ADGRG7: variants seen among roughly 807,000 people sequenced by gnomAD.
ADGRG7 encodes the protein adhesion G protein-coupled receptor G7.
ADGRG7 carries 82 observed loss-of-function variants against 88.6 expected under a neutral mutation model. The observed-to-expected ratio is 0.93, with a 90% CI of 0.77 to 1.11. The LOEUF is 1.11. Among genes scored for constraint, ADGRG7 ranks in the 50% most tolerant of loss-of-function variants. The probability of loss-of-function intolerance (pLI) is 0.00; values close to 1 mark genes in which losing one functional copy is unlikely to be tolerated. For synonymous variants in ADGRG7, 381 were observed against 345.2 expected, an observed-to-expected ratio of 1.10 and a Z score of -1.15; for missense variants, 945 against 953.4, an observed-to-expected ratio of 0.99 and a Z score of 0.12.
rs115871853 is a variant in ADGRG7, at chr3:100,626,317, C to T, written c.116-3281C>T. 7.0e-3 allele frequency among the ~76,000 whole-genome samples: 1,061 copies of T among 151,914 alleles called. 9 individuals carry two copies. The highest frequency in any genetic ancestry group is 0.013 in the African/African-American group (540 of 41,468). On this transcript the variant is annotated intron_variant, in intron 1 of 15. Transcript: ENST00000273352. ...GCATAGAGTTGTTCTTCTTTTTGGCCTTTCTAAGTGTTTTGCATTTCCATA... is the reference window on the plus strand; with the variant it reads ...GCATAGAGTTGTTCTTCTTTTTGGCTTTTCTAAGTGTTTTGCATTTCCATA...
chr3:100,678,701 A>G (rs1229904204), intron 15 of ADGRG7, among the ~76,000 whole-genome samples: 1 of 152,230 alleles, frequency 6.6e-6, no homozygotes, highest in African/African-American at 2.4e-5. Flanking sequence ...TTTTAGACAT[A>G]CAGAGGAACT....
intron 3 of ADGRG7, among the ~76,000 whole-genome samples, chr3:100,631,294 T>G (rs564412420): frequency 6.6e-6 from 1 of 152,318 alleles, no homozygotes; most frequent in South Asian, 2.1e-4. Flanking sequence ...CATTCTACTT[T>G]TCTTAACATG....
intron 10 of ADGRG7, among the ~76,000 whole-genome samples, chr3:100,647,039 C>T (rs979021104): frequency 2.0e-5 from 3 of 152,022 alleles, no homozygotes; most frequent in Non-Finnish European, 4.4e-5. Flanking sequence ...CGCCTGTAAT[C>T]CCAGCTACTC....
intron 15 of ADGRG7, among the ~76,000 whole-genome samples, chr3:100,673,387 G>T (rs1325416402): frequency 6.6e-6 from 1 of 151,136 alleles, no homozygotes; most frequent in East Asian, 1.9e-4. Context: ...ATGGTAGTTT[G>T]TATGTTTGTG....
chr3:100,655,923 T>A lies in ADGRG7; in HGVS notation c.1751T>A (p.Ile584Lys). The A allele has an allele frequency of 6.2e-7, 1 of 1,604,672 alleles. No homozygotes were observed. The highest frequency in any genetic ancestry group is 1.3e-5 in the African/African-American group (1 of 74,914). ...GWGVPAIVVA[I>K]TVGVIYSQNG... ...GGAGTCCCAGCTATAGTAGTGGCTA[T>A]AACAGTGGGAGTTATTTATTCTCAG... is the stretch of plus-strand genomic sequence containing the variant. Residue 584 changes from isoleucine (I) to lysine (K), a missense_variant, in exon 13 of 16, where the codon ATA (isoleucine) becomes AAA (lysine). Coordinates refer to ENST00000273352, the MANE Select transcript of ADGRG7 (RefSeq NM_032787.3).
intron 15 of ADGRG7, among the ~76,000 whole-genome samples, chr3:100,688,695 G>C (rs571791906): frequency 9.2e-5 from 14 of 152,312 alleles, no homozygotes; most frequent in African/African-American, 3.4e-4. Flanking sequence ...TTTTGAGTGA[G>C]TTTCTTAATC....
chr3:100,609,886 GGTGCTGGTGGCTGTC>G lies in ADGRG7; in HGVS notation c.34_48del (p.Leu12_Val16del). On this transcript the variant is annotated inframe_deletion, in exon 1 of 16. Coordinates refer to ENST00000273352, the MANE Select transcript of ADGRG7 (RefSeq NM_032787.3). ...CTTCCTGCCGTGCCTGGAACCTTAG[GGTGCTGGTGGCTGTC>G]GTGTGTGGACTACTGACTGGCATCA... The G allele has an allele frequency of 6.2e-7, 1 of 1,614,016 alleles. No homozygotes were observed. The highest frequency in any genetic ancestry group is 8.5e-7 in the Non-Finnish European group (1 of 1,179,918).
At chr3:100,637,889 C>T (rs1427210443) in intron 6 of ADGRG7, among the ~76,000 whole-genome samples, 1 of 152,200 alleles carries the variant, frequency 6.6e-6, no homozygotes, top group African/African-American at 2.4e-5. Context: ...GATAGGGGTG[C>T]CCCGTTTACT....
intron 3 of ADGRG7, among the ~76,000 whole-genome samples, chr3:100,632,555 A>G (rs1221834712): frequency 6.6e-6 from 1 of 152,162 alleles, no homozygotes; most frequent in African/African-American, 2.4e-5. Flanking sequence ...AATTTTCATT[A>G]TGTCATGGTG....
intron 1 of ADGRG7, among the ~76,000 whole-genome samples, chr3:100,615,429 G>C (rs977850645): frequency 6.6e-6 from 1 of 152,162 alleles, no homozygotes; most frequent in Admixed American, 6.5e-5. Context: ...TGTTAAACAG[G>C]TGATTGTGAC....
intron 6 of ADGRG7, among the ~76,000 whole-genome samples, chr3:100,641,749 A>G (rs890995660): frequency 4.6e-5 from 7 of 152,252 alleles, no homozygotes; most frequent in African/African-American, 1.4e-4. Context: ...TGGAAGCCTT[A>G]GTAGAGGAGT....
rs759968063 is a variant in ADGRG7 at position 100,646,645 on chromosome 3, A to G, written c.1187A>G (p.Tyr396Cys). The change falls in exon 10 of 16, where the codon TAT becomes TGT. Residue 396 changes from tyrosine to cysteine, a missense_variant. Transcript: ENST00000273352. ...WNLSAKDWDT[Y>C]GCQKDKGTDG... ...TTGTCAGCGAAGGACTGGGACACATATGGCTGTCAAAAAGACAAGGGCACT... is the reference window on the plus strand; with the variant it reads ...TTGTCAGCGAAGGACTGGGACACATGTGGCTGTCAAAAAGACAAGGGCACT... 1.1e-5 allele frequency: 18 copies of G among 1,614,028 alleles called. No homozygotes were observed. The highest frequency in any genetic ancestry group is 1.7e-5 in the Admixed American group (1 of 60,026).
chr3:100,668,545 A>G (rs1042796909), intron 14 of ADGRG7, among the ~76,000 whole-genome samples: 1 of 152,238 alleles, frequency 6.6e-6, no homozygotes, highest in Non-Finnish European at 1.5e-5. Context: ...ATCACTCTGC[A>G]TCTAACTAAC....
intron 10 of ADGRG7, among the ~76,000 whole-genome samples, chr3:100,647,707 C>A (rs202055440): frequency 1.3e-5 from 2 of 151,718 alleles, no homozygotes; most frequent in Non-Finnish European, 1.5e-5. Flanking sequence ...TCCGGTGAAA[C>A]AAAAAAAAGT....
At chr3:100,655,391 T>C (rs1431497461) in intron 12 of ADGRG7, among the ~76,000 whole-genome samples, 2 of 152,220 alleles carry the variant, frequency 1.3e-5, no homozygotes, top group Non-Finnish European at 2.9e-5. Context: ...AGATACATCG[T>C]AAACTAACTT....
In ADGRG7 at chr3:100,642,458, T is replaced by G. The variant is rs559022131; in HGVS notation, c.699-808T>G. Among the ~76,000 whole-genome samples the G allele has an allele frequency of 2.3e-4, 35 of 152,224 alleles. 1 individual carries two copies. The highest frequency in any genetic ancestry group is 2.3e-3 in the Admixed American group (35 of 15,282). ...CTCATTTGGAGGTAGAGAAAAGATA[T>G]TTTAGTGTCAGAAATAAAGATTTGA... On this transcript the variant is annotated intron_variant, in intron 6 of 15. Coordinates refer to ENST00000273352, the MANE Select transcript of ADGRG7 (RefSeq NM_032787.3).
chr3:100,616,517 A>T (rs1005568988), intron 1 of ADGRG7, among the ~76,000 whole-genome samples: 7 of 152,226 alleles, frequency 4.6e-5, no homozygotes, highest in African/African-American at 1.7e-4. Flanking sequence ...AAAGGAGGTT[A>T]GAAATCATTA....
At chr3:100,615,578 T>G (rs1707213928) in intron 1 of ADGRG7, among the ~76,000 whole-genome samples, 1 of 152,216 alleles carries the variant, frequency 6.6e-6, no homozygotes, top group African/African-American at 2.4e-5. Context: ...ACCAAGACCC[T>G]TGTTCTAAAA....
chr3:100,626,436 T>A (rs1415164942), intron 1 of ADGRG7, among the ~76,000 whole-genome samples: 2 of 152,222 alleles, frequency 1.3e-5, no homozygotes, highest in African/African-American at 4.8e-5. Flanking sequence ...CCTTAGCAAC[T>A]TTGAATCTTC....
Sources: gnomAD v4.1 joint callset for allele counts (sites outside exome capture counted in the v4.1 genomes callset) on GRCh38, gnomAD v4.1.1 for gene constraint, MANE v1.5 for transcripts, NCBI Gene and HGNC (gene_info 2026-07-23, HGNC 2026-07-21) for gene names.